The following DPP10 variants were observed in gnomAD, a reference collection of about 807,000 sequenced individuals.
DPP10 encodes the protein dipeptidyl peptidase like 10.
In DPP10, 33 loss-of-function variants were observed where a neutral mutation model predicts 120.9. That is an observed-to-expected ratio of 0.27 (90% CI 0.21 to 0.37). The LOEUF (loss-of-function observed/expected upper bound fraction) is 0.37. Ranked by LOEUF, DPP10 falls within the 10% of genes least tolerant of loss-of-function variation. The probability of loss-of-function intolerance (pLI) is 1.00; values close to 1 mark genes in which losing one functional copy is unlikely to be tolerated. For missense variants in DPP10, 816 were observed against 942.8 expected, an observed-to-expected ratio of 0.87 and a Z score of 1.76; for synonymous variants, 337 against 326.1, an observed-to-expected ratio of 1.03 and a Z score of -0.36.
At chr2:115,412,515 A>C (rs1413985784) in intron 3 of DPP10, among the ~76,000 whole-genome samples, 1 of 152,192 alleles carries the variant, frequency 6.6e-6, no homozygotes, top group African/African-American at 2.4e-5. Flanking sequence ...TTTGTTGTGA[A>C]TTCTTCACAA....
chr2:115,714,983 C>A (rs866086790), intron 7 of DPP10, among the ~76,000 whole-genome samples: 1 of 147,974 alleles, frequency 6.8e-6, no homozygotes, highest in African/African-American at 2.5e-5. Context: ...GAGGCAAGAT[C>A]GCGCCACCGC....
intron 11 of DPP10, among the ~76,000 whole-genome samples, chr2:115,760,958 A>G (rs1680040457): frequency 6.6e-6 from 1 of 152,000 alleles, no homozygotes; most frequent in Admixed American, 6.6e-5. Context: ...TTAGCCGGGC[A>G]TGGTGGCACA....
At position 115,072,744 on chromosome 2, in the gene DPP10, T is replaced by C. The variant is rs1707470599; in HGVS notation, c.61-236495T>C. ...GTTAAGAGAGAAGGGTGCAGGGATT[T>C]ATTAATATTGAATGAAATGATGTAT... On this transcript the variant is annotated intron_variant, in intron 1 of 25. Coordinates refer to ENST00000410059, the MANE Select transcript of DPP10 (RefSeq NM_020868.6). 2.0e-5 allele frequency among the ~76,000 whole-genome samples: 3 copies of C among 152,236 alleles called. No homozygotes were observed. The South Asian group carries it at 6.2e-4, about 32-fold the overall frequency.
At chr2:115,243,034 TAC>T (rs1325101522) in intron 1 of DPP10, among the ~76,000 whole-genome samples, 3 of 149,728 alleles carry the variant, frequency 2.0e-5, no homozygotes, top group African/African-American at 7.3e-5. Context: ...AACACACACA[TAC>T]ACACACGTGT....
At chr2:115,735,576 A>G (rs1464109700) in intron 8 of DPP10, among the ~76,000 whole-genome samples, 1 of 150,736 alleles carries the variant, frequency 6.6e-6, no homozygotes, top group Non-Finnish European at 1.5e-5. Context: ...GCTGGAGTGC[A>G]GTGGCACGAT....
chr2:114,934,088 C>T (rs1696280032), intron 1 of DPP10, among the ~76,000 whole-genome samples: 1 of 152,162 alleles, frequency 6.6e-6, no homozygotes. Flanking sequence ...AGCTGTGAAA[C>T]CTCTTGCACT....
At chr2:114,832,950 A>C (rs1687272435) in intron 1 of DPP10, among the ~76,000 whole-genome samples, 1 of 152,222 alleles carries the variant, frequency 6.6e-6, no homozygotes, top group Admixed American at 6.5e-5. Flanking sequence ...GTATGCATGC[A>C]TCTGTGTGTA....
chr2:115,759,555 G>GT (rs1231326418), intron 11 of DPP10, among the ~76,000 whole-genome samples: 8 of 151,904 alleles, frequency 5.3e-5, no homozygotes, highest in African/African-American at 1.9e-4. Flanking sequence ...AAAAATTCTC[G>GT]TTCTTTGCAA....
chr2:115,388,237 G>T (rs1490613413), intron 3 of DPP10, among the ~76,000 whole-genome samples: 1 of 152,140 alleles, frequency 6.6e-6, no homozygotes, highest in East Asian at 1.9e-4. Flanking sequence ...AAACTAGAAG[G>T]GTATTTTGAG....
intron 1 of DPP10, among the ~76,000 whole-genome samples, chr2:114,810,384 C>T (rs1685079706): frequency 6.6e-6 from 1 of 152,074 alleles, no homozygotes; most frequent in Admixed American, 6.6e-5. Flanking sequence ...AAATGTAAAA[C>T]AAAGATTTCC....
At chr2:115,119,693 G>A (rs7575677) in intron 1 of DPP10, among the ~76,000 whole-genome samples, 31,366 of 152,090 alleles carry the variant, frequency 0.21, 3,980 homozygotes, top group East Asian at 0.36. Context: ...CCACTCTGTT[G>A]TGTTTCTCTG....
intron 1 of DPP10, among the ~76,000 whole-genome samples, chr2:114,831,593 G>T (rs1205192108): frequency 6.6e-6 from 1 of 152,152 alleles, no homozygotes; most frequent in Non-Finnish European, 1.5e-5. Context: ...ATTTGGGAAA[G>T]CTGGGTTTGC....
intron 5 of DPP10, among the ~76,000 whole-genome samples, chr2:115,584,645 A>G (rs1364267032): frequency 1.3e-5 from 2 of 152,186 alleles, no homozygotes; most frequent in Non-Finnish European, 2.9e-5. Flanking sequence ...CTGCCTGCTT[A>G]GAAAGCTGCA....
chr2:114,762,772 A>G (rs147307429), intron 1 of DPP10, among the ~76,000 whole-genome samples: 7 of 152,280 alleles, frequency 4.6e-5, no homozygotes, highest in African/African-American at 7.2e-5. Flanking sequence ...CAGGCACAAG[A>G]GGTTGTTTCT....
rs142512699 is a variant in DPP10 at position 115,376,128 on chromosome 2, G to A, written c.271+32216G>A. Among the ~76,000 whole-genome samples the A allele has an allele frequency of 8.7e-4, 133 of 152,156 alleles. No individual in the cohort carries two copies. The Middle Eastern group carries it at 0.01, about 12-fold the overall frequency. The stretch of plus-strand genomic sequence containing the variant: ...TGGAGCTATAGATGGAGGCAGCAAG[G>A]TATAAAACAAATATTCATTTGTCTG... On this transcript the variant is annotated intron_variant, in intron 3 of 25. Coordinates refer to ENST00000410059, the MANE Select transcript of DPP10 (RefSeq NM_020868.6).
At chr2:115,555,827 A>G (rs1386219175) in intron 5 of DPP10, among the ~76,000 whole-genome samples, 1 of 152,088 alleles carries the variant, frequency 6.6e-6, no homozygotes, top group African/African-American at 2.4e-5. Flanking sequence ...AAAAATAATA[A>G]ATCGTATAAC....
intron 1 of DPP10, among the ~76,000 whole-genome samples, chr2:115,188,051 G>T (rs2054585331): frequency 7.1e-6 from 1 of 140,850 alleles, no homozygotes; most frequent in East Asian, 2.4e-4. Flanking sequence ...GAGAGGGAGA[G>T]AGAGAGGCAA....
At chr2:115,541,997 A>G (rs546238943) in intron 5 of DPP10, among the ~76,000 whole-genome samples, 11 of 152,092 alleles carry the variant, frequency 7.2e-5, no homozygotes, top group Admixed American at 2.0e-4. Flanking sequence ...AAATCCCCCC[A>G]GTGGTGACAT....
In DPP10 at chr2:115,372,430, A is replaced by G. The variant is rs1259353822; in HGVS notation, c.271+28518A>G. On this transcript the variant is annotated intron_variant, in intron 3 of 25. Coordinates refer to ENST00000410059, the MANE Select transcript of DPP10 (RefSeq NM_020868.6). ...TAAAAAAAGTCTCTGCAGGTTTCATAGAATCTATTTGATTTCAATAAGCAT... is the reference window on the plus strand; with the variant it reads ...TAAAAAAAGTCTCTGCAGGTTTCATGGAATCTATTTGATTTCAATAAGCAT... Among the ~76,000 whole-genome samples the G allele has an allele frequency of 9.9e-5, 15 of 152,118 alleles. 1 individual carries two copies. The highest frequency in any genetic ancestry group is 3.3e-4 in the Admixed American group (5 of 15,250).
Sources: allele counts gnomAD v4.1 joint callset (sites outside exome capture counted in the v4.1 genomes callset), GRCh38; gene constraint gnomAD v4.1.1; transcripts MANE v1.5; gene names NCBI Gene and HGNC (gene_info 2026-07-23, HGNC 2026-07-21).